RAB7A: variants seen among roughly 807,000 people sequenced by gnomAD.
RAB7A encodes the protein RAB7A, member RAS oncogene family.
In RAB7A, 2 loss-of-function variants were observed where a neutral mutation model predicts 24.5. The ratio of observed to expected loss-of-function variants is 0.08; its 90% confidence interval spans 0.03 to 0.26. The LOEUF (loss-of-function observed/expected upper bound fraction) is 0.26. RAB7A is among the 10% of genes least tolerant of loss of function. The probability of loss-of-function intolerance (pLI) is 1.00; values close to 1 mark genes in which losing one functional copy is unlikely to be tolerated. For missense variants in RAB7A, 118 were observed against 255.7 expected, an observed-to-expected ratio of 0.46 and a Z score of 3.67; for synonymous variants, 100 against 95.9, an observed-to-expected ratio of 1.04 and a Z score of -0.25.
intron 1 of RAB7A, among the ~76,000 whole-genome samples, chr3:128,747,089 T>C (rs984442491): frequency 6.9e-6 from 1 of 145,584 alleles, no homozygotes; most frequent in East Asian, 2.1e-4. Context: ...CAAAGATCAC[T>C]GAGGCCAGGA....
At chr3:128,780,615 G>C (rs531484769) in intron 1 of RAB7A, among the ~76,000 whole-genome samples, 3 of 152,210 alleles carry the variant, frequency 2.0e-5, no homozygotes, top group Non-Finnish European at 2.9e-5. Flanking sequence ...GTTTGAACTG[G>C]ATTTGGTGTG....
chr3:128,742,049 T>A (rs1400791829), intron 1 of RAB7A, among the ~76,000 whole-genome samples: 3 of 152,142 alleles, frequency 2.0e-5, no homozygotes, highest in Non-Finnish European at 2.9e-5. Context: ...AAAGATAGCG[T>A]GTCCAGAGTT....
chr3:128,778,413 A>G (rs995402535), intron 1 of RAB7A, among the ~76,000 whole-genome samples: 3 of 152,068 alleles, frequency 2.0e-5, no homozygotes, highest in Non-Finnish European at 4.4e-5. Context: ...CTGTGCATAC[A>G]TTGTGGCTCC....
chr3:128,758,714 A>G (rs1182172569), intron 1 of RAB7A, among the ~76,000 whole-genome samples: 4 of 152,126 alleles, frequency 2.6e-5, no homozygotes, highest in Admixed American at 2.0e-4. Flanking sequence ...TAGTTTTCTC[A>G]TATATCAGAT....
intron 1 of RAB7A, among the ~76,000 whole-genome samples, chr3:128,794,482 A>G (rs543420393): frequency 1.3e-5 from 2 of 152,354 alleles, no homozygotes; most frequent in South Asian, 4.1e-4. Flanking sequence ...CACTCCCACT[A>G]TAGGCACTGC....
intron 5 of RAB7A, among the ~76,000 whole-genome samples, chr3:128,810,459 A>G (rs1040207593): frequency 5.9e-5 from 9 of 152,276 alleles, no homozygotes; most frequent in Non-Finnish European, 1.2e-4. Flanking sequence ...AACAACAGAC[A>G]TTTTGTTTTC....
chr3:128,752,738 CT>C lies in RAB7A; in HGVS notation c.-9+26396del, dbSNP rs11421152. Among the ~76,000 whole-genome samples, 688 of 134,218 alleles carry C rather than the reference CT, an allele frequency of 5.1e-3. 1 individual carries two copies. Among genetic ancestry groups the C allele is most frequent in the East Asian group, 9.0e-3 (43 of 4,758 alleles). The allele number at this position is 134,218 out of a possible 152,430, so 88.1% of individuals were successfully genotyped here. ...CTTTTGGTCTCAAGAAGCTTTTCCTCTTTTTTTTTTTTTTTTTAAAGTGTTT... is the reference window on the plus strand; with the variant it reads ...CTTTTGGTCTCAAGAAGCTTTTCCTCTTTTTTTTTTTTTTTTAAAGTGTTT... On this transcript the variant is annotated intron_variant, in intron 1 of 5. Coordinates refer to ENST00000265062, the MANE Select transcript of RAB7A (RefSeq NM_004637.6).
chr3:128,778,422 C>A (rs1239425567), intron 1 of RAB7A, among the ~76,000 whole-genome samples: 1 of 152,092 alleles, frequency 6.6e-6, no homozygotes, highest in Non-Finnish European at 1.5e-5. Flanking sequence ...CATTGTGGCT[C>A]CTAGAGGGCT....
At chr3:128,748,722 G>A (rs2107590083) in intron 1 of RAB7A, 2 of 152,334 alleles carry the variant, frequency 1.3e-5, no homozygotes, top group East Asian at 3.9e-4. Flanking sequence ...ACTCATGGAT[G>A]CCCCATAATC....
intron 2 of RAB7A, among the ~76,000 whole-genome samples, chr3:128,797,638 A>G (rs150214131): frequency 9.3e-4 from 142 of 152,310 alleles, no homozygotes; most frequent in African/African-American, 3.4e-3. Context: ...AAAGCAGTAT[A>G]TTTGCTGGCA....
chr3:128,784,425 C>T (rs1049479427), intron 1 of RAB7A, among the ~76,000 whole-genome samples: 2 of 152,178 alleles, frequency 1.3e-5, no homozygotes, highest in Admixed American at 6.5e-5. Context: ...CTAGTGCAGT[C>T]CTCTCTTGCC....
intron 3 of RAB7A, chr3:128,798,294 ATTC>A (rs1395815877): frequency 2.1e-6 from 1 of 466,094 alleles, no homozygotes; most frequent in Non-Finnish European, 3.8e-6. Flanking sequence ...ACACTAAAAA[ATTC>A]TTCTTAAAAA....
chr3:128,794,544 G>T (rs532258802), intron 1 of RAB7A, among the ~76,000 whole-genome samples: 16 of 152,300 alleles, frequency 1.1e-4, no homozygotes, highest in African/African-American at 3.6e-4. Context: ...CTAACAAGTA[G>T]TTCTTCTGAG....
At chr3:128,795,474 G>A in intron 2 of RAB7A, 54 bp downstream of exon 2, 1 of 1,508,102 alleles carries the variant, frequency 6.6e-7, no homozygotes, top group Non-Finnish European at 9.2e-7. Flanking sequence ...AAGCCTCTCT[G>A]CTGTGGAGCC....
intron 1 of RAB7A, among the ~76,000 whole-genome samples, chr3:128,746,286 T>A (rs893702832): frequency 1.3e-5 from 2 of 152,090 alleles, no homozygotes; most frequent in African/African-American, 4.8e-5. Flanking sequence ...TTTCTTTGAT[T>A]TTTAGAGACA....
intron 1 of RAB7A, among the ~76,000 whole-genome samples, chr3:128,746,170 TAAAC>T (rs1164375979): frequency 6.6e-6 from 1 of 152,242 alleles, no homozygotes; most frequent in Non-Finnish European, 1.5e-5. Context: ...TACCCTTTGA[TAAAC>T]AACCCTCCAT....
At chr3:128,806,656 G>C (rs933471265) in intron 4 of RAB7A, 66 bp downstream of exon 4, 12 of 1,466,880 alleles carry the variant, frequency 8.2e-6, no homozygotes, top group Non-Finnish European at 8.5e-6. Flanking sequence ...TGAATTTGGA[G>C]GGTTCTCTGC....
chr3:128,787,134 A>G (rs1159099114), intron 1 of RAB7A, among the ~76,000 whole-genome samples: 2 of 152,176 alleles, frequency 1.3e-5, no homozygotes, highest in South Asian at 2.1e-4. Context: ...TTGATACCAT[A>G]GTTAGGGTGG....
chr3:128,741,053 T>G (rs2107586140), intron 1 of RAB7A, among the ~76,000 whole-genome samples: 1 of 152,012 alleles, frequency 6.6e-6, no homozygotes, highest in South Asian at 2.1e-4. Flanking sequence ...TTAACTACAT[T>G]TTTTTATATA....
Sources: gnomAD v4.1 joint callset for allele counts (sites outside exome capture counted in the v4.1 genomes callset) on GRCh38, gnomAD v4.1.1 for gene constraint, MANE v1.5 for transcripts, NCBI Gene and HGNC (gene_info 2026-07-23, HGNC 2026-07-21) for gene names.